The following ARHGEF16 variants were observed in gnomAD, a reference collection of about 807,000 sequenced individuals.
The protein encoded by ARHGEF16 is Rho guanine exchange factor (GEF) 16.
In ARHGEF16, 59 loss-of-function variants were observed where a neutral mutation model predicts 74.1. That is an observed-to-expected ratio of 0.80 (90% CI 0.65 to 0.99). The LOEUF (loss-of-function observed/expected upper bound fraction) is 0.99, where lower values mean the gene tolerates loss of function less well. Ranked by LOEUF, ARHGEF16 falls within the 50% of genes least tolerant of loss-of-function variation. The probability of loss-of-function intolerance (pLI) is 0.00; values close to 1 mark genes in which losing one functional copy is unlikely to be tolerated. For synonymous variants in ARHGEF16, 415 were observed against 412.6 expected (o/e 1.01, Z -0.07); for missense variants, 948 against 986.6 (o/e 0.96, Z 0.52).
At chr1:3,476,170 G>A in intron 10 of ARHGEF16, 108 bp downstream of exon 10, 2 of 1,213,468 alleles carry the variant, frequency 1.6e-6, no homozygotes, top group Middle Eastern at 2.5e-4. Context: ...GAGAGTGGGT[G>A]CCTGCCCTCA....
chr1:3,459,271 G>T (rs1462358647), intron 1 of ARHGEF16, among the ~76,000 whole-genome samples: 2 of 152,166 alleles, frequency 1.3e-5, no homozygotes, highest in Non-Finnish European at 1.5e-5. Context: ...ACCCTCAGTG[G>T]GGCCAGGGAG....
intron 4 of ARHGEF16, chr1:3,468,679 C>A: frequency 1.6e-6 from 1 of 622,474 alleles, no homozygotes; most frequent in South Asian, 1.9e-5. Flanking sequence ...GGGGGGCTGA[C>A]CCAAGGCGGG....
chr1:3,480,185 G>A (rs1640017021), intron 14 of ARHGEF16, among the ~76,000 whole-genome samples: 1 of 152,228 alleles, frequency 6.6e-6, no homozygotes, highest in Non-Finnish European at 1.5e-5. Flanking sequence ...AGCCTGCAGA[G>A]GGCAGGCAGG....
chr1:3,480,359 GC>G, intron 14 of ARHGEF16, 88 bp from the exon 15 acceptor site: 1 of 1,545,528 alleles, frequency 6.5e-7, no homozygotes, highest in Non-Finnish European at 8.8e-7. Context: ...GAGAAGCCTG[GC>G]CCTGGTGTGC....
chr1:3,477,915 G>C lies in ARHGEF16; in HGVS notation c.1514G>C (p.Arg505Pro), dbSNP rs148890269. 1 of 1,612,496 alleles carries C rather than the reference G, an allele frequency of 6.2e-7. No individual in the cohort carries two copies. The highest frequency in any genetic ancestry group is 8.5e-7 in the Non-Finnish European group (1 of 1,179,886). Reference sequence around the variant, plus strand: ...TCTGCCTCCCGGTGGCTGCTGAAGCGCGGAGAGCTGTTCTTAGTGGAAGAA... The same window carrying C: ...TCTGCCTCCCGGTGGCTGCTGAAGCCCGGAGAGCTGTTCTTAGTGGAAGAA... ...LISASRWLLKRGELFLVEETG... is the reference protein window; with the variant it reads ...LISASRWLLKPGELFLVEETG... Residue 505 changes from arginine to proline, a missense_variant, in exon 11 of 15, where the codon CGC becomes CCC. Physicochemically the swap from Arg to Pro is moderately radical, Grantham distance 103 (BLOSUM62 -2). Transcript: ENST00000378378.
At chr1:3,469,620 C>T (rs1011812531) in intron 6 of ARHGEF16, 27 bp downstream of exon 6, 4 of 1,611,204 alleles carry the variant, frequency 2.5e-6, no homozygotes, top group Admixed American at 1.7e-5. Context: ...GCCTTCCACA[C>T]AGGGTCCTCT....
chr1:3,463,796 G>C (rs1639470179), intron 2 of ARHGEF16, 124 bp downstream of exon 2: 2 of 801,194 alleles, frequency 2.5e-6, no homozygotes, highest in East Asian at 5.9e-5. Context: ...TGCTGCATGA[G>C]GGCTCTCGAC....
intron 6 of ARHGEF16, among the ~76,000 whole-genome samples, chr1:3,472,025 G>A (rs980804770): frequency 6.6e-6 from 1 of 152,226 alleles, no homozygotes; most frequent in Non-Finnish European, 1.5e-5. Flanking sequence ...AGGAAGCGTG[G>A]CTCCTGCGTG....
intron 11 of ARHGEF16, 21 bp from the exon 12 acceptor site, chr1:3,478,403 C>T (rs780141683): frequency 2.7e-5 from 43 of 1,572,728 alleles, no homozygotes; most frequent in South Asian, 2.4e-4. Flanking sequence ...ACCGTCCCAC[C>T]GACTGCCCGT....
At position 3,474,743 on chromosome 1, in the gene ARHGEF16, G is replaced by T; in HGVS notation, c.1341G>T (p.Arg447Ser). 1.2e-6 allele frequency: 2 copies of T among 1,612,884 alleles called. No individual in the cohort carries two copies. The highest frequency in any genetic ancestry group is 1.7e-6 in the Non-Finnish European group (2 of 1,179,974). ...LCLKTQGHSE[R>S]YKAASRALKA... The stretch of plus-strand genomic sequence containing the variant: ...TCAAGACCCAGGGCCACTCCGAAAG[G>T]TACAAGGCTGCCAGCCGTGCACTGA... The change falls in exon 9 of 15, where the codon AGG (arginine) becomes AGT (serine). Residue 447 changes from arginine (R) to serine (S), a missense_variant. Coordinates refer to ENST00000378378, the MANE Select transcript of ARHGEF16 (RefSeq NM_014448.4).
intron 1 of ARHGEF16, among the ~76,000 whole-genome samples, chr1:3,459,293 G>A (rs181321808): frequency 7.2e-4 from 109 of 152,326 alleles, no homozygotes; most frequent in Admixed American, 1.4e-3. Flanking sequence ...ACCACACACC[G>A]GTTGTGATCC....
At chr1:3,469,615 C>CCA in intron 6 of ARHGEF16, 22 bp downstream of exon 6, 1 of 1,611,934 alleles carries the variant, frequency 6.2e-7, no homozygotes, top group Non-Finnish European at 8.5e-7. Context: ...CCACAGCCTT[C>CCA]CACACAGGGT....
chr1:3,463,418 G>A lies in ARHGEF16; in HGVS notation c.334G>A (p.Val112Ile), dbSNP rs957318612. ...PARHQSFGAA[V>I]LSREAARRDP... ...CCGCCACCAGAGCTTCGGGGCGGCT[G>A]TACTTAGCAGGGAGGCCGCCCGGCG... Residue 112 changes from valine (V) to isoleucine (I), a missense_variant, in exon 2 of 15, where the codon GTA (valine) becomes ATA (isoleucine). Val to Ile is a conservative substitution (Grantham distance 29). Coordinates refer to ENST00000378378, the MANE Select transcript of ARHGEF16 (RefSeq NM_014448.4). 4.5e-6 allele frequency: 7 copies of A among 1,548,976 alleles called. No individual in the cohort carries two copies. The highest frequency in any genetic ancestry group is 1.4e-5 in the African/African-American group (1 of 72,966).
intron 8 of ARHGEF16, 131 bp from the exon 9 acceptor site, chr1:3,474,577 G>T (rs1488241732): frequency 3.8e-6 from 3 of 783,548 alleles, no homozygotes; most frequent in Non-Finnish European, 6.5e-6. Flanking sequence ...CGTGCTGTGG[G>T]GCCCTGCAGG....
intron 6 of ARHGEF16, 123 bp from the exon 7 acceptor site, chr1:3,472,955 T>C: frequency 1.1e-6 from 1 of 921,854 alleles, no homozygotes; most frequent in Admixed American, 3.7e-5. Context: ...CTCTGGGAGC[T>C]GAGCTCAGCT....
intron 14 of ARHGEF16, among the ~76,000 whole-genome samples, 189 bp from the exon 15 acceptor site, chr1:3,480,259 G>A (rs561759125): frequency 6.6e-6 from 1 of 152,316 alleles, no homozygotes; most frequent in South Asian, 2.1e-4. Flanking sequence ...TCTCAGTGGC[G>A]AGCACCTGAG....
Position 3,463,229 on chromosome 1 carries a change from G to A in ARHGEF16, c.145G>A (p.Ala49Thr), listed in dbSNP as rs745825562. The change falls in exon 2 of 15, where the codon GCC becomes ACC. Residue 49 changes from alanine to threonine, a missense_variant. Transcript: ENST00000378378. ...RGSPRVRDDA[A>T]FQPQVPAPPQ... ...CTCCCCGCGTGTTAGAGACGATGCC[G>A]CCTTCCAGCCCCAGGTCCCGGCACC... The A allele has an allele frequency of 6.1e-5, 95 of 1,547,076 alleles. No individual in the cohort carries two copies. The highest frequency in any genetic ancestry group is 7.3e-5 in the Non-Finnish European group (84 of 1,144,684).
At chr1:3,474,584 C>T (rs915909628) in intron 8 of ARHGEF16, 124 bp from the exon 9 acceptor site, 8 of 859,448 alleles carry the variant, frequency 9.3e-6, no homozygotes, top group Non-Finnish European at 1.5e-5. Flanking sequence ...TGGGGCCCTG[C>T]AGGAGCCCCC....
rs540848170 is a variant in ARHGEF16, at chr1:3,463,014, C to T, written c.-19-52C>T. 39 of 1,314,372 alleles carry T rather than the reference C, an allele frequency of 3.0e-5. 1 individual carries two copies. Among genetic ancestry groups the T allele is most frequent in the African/African-American group, 1.0e-4 (7 of 67,084 alleles). The allele number at this position is 1,314,372 out of a possible 1,614,324, so 81.4% of individuals were successfully genotyped here. On this transcript the variant is annotated intron_variant, in intron 1 of 14. Coordinates refer to ENST00000378378, the MANE Select transcript of ARHGEF16 (RefSeq NM_014448.4). ...AAAGGGGTAGGGGGGTGGACACCCG[C>T]GGGGGCAGGGGAGAGCAGCCTCACG...
Sources: gnomAD v4.1 joint callset for allele counts (sites outside exome capture counted in the v4.1 genomes callset) on GRCh38, gnomAD v4.1.1 for gene constraint, MANE v1.5 for transcripts, NCBI Gene and HGNC (gene_info 2026-07-23, HGNC 2026-07-21) for gene names.